The following TRIOBP variants were observed in gnomAD, a reference collection of about 807,000 sequenced individuals.
TRIOBP encodes TRIO and F-actin binding protein.
TRIOBP carries 169 observed loss-of-function variants against 238.8 expected under a neutral mutation model. The observed-to-expected ratio is 0.71, with a 90% CI of 0.62 to 0.80. The LOEUF (loss-of-function observed/expected upper bound fraction) is 0.80, where lower values mean the gene tolerates loss of function less well. TRIOBP is among the 30% of genes least tolerant of loss of function. The pLI, the probability that TRIOBP is intolerant of heterozygous loss-of-function variation, is 0.00. For synonymous variants in TRIOBP, 1,150 were observed against 1,274.4 expected (o/e 0.90, Z 2.08); for missense variants, 2,838 against 3,122.6 (o/e 0.91, Z 2.17).
chr22:37,710,689 C>A, intron 4 of TRIOBP, 123 bp downstream of exon 4: 1 of 1,376,886 alleles, frequency 7.3e-7, no homozygotes, highest in Non-Finnish European at 9.7e-7. Flanking sequence ...GTCACGTGGT[C>A]AGTCCTCTAA....
Position 37,725,759 on chromosome 22 carries a change from G to C in TRIOBP, c.3203G>C (p.Arg1068Pro). ...YIPPAVCIGHRDAPRASSPPR... is the reference protein window; with the variant it reads ...YIPPAVCIGHPDAPRASSPPR... The stretch of plus-strand genomic sequence containing the variant: ...CCACCTGCTGTGTGCATTGGACACC[G>C]AGATGCCCCCCGGGCGTCCTCGCCC... The change falls in exon 7 of 24, where the codon CGA becomes CCA. Residue 1068 changes from arginine (R) to proline (P), a missense_variant. Arg to Pro is a moderately radical substitution (Grantham distance 103). Coordinates refer to ENST00000644935, the MANE Select transcript of TRIOBP (RefSeq NM_001039141.3). The C allele has an allele frequency of 6.2e-7, 1 of 1,611,284 alleles. No individual in the cohort carries two copies. Among genetic ancestry groups the C allele is most frequent in the Non-Finnish European group, 8.5e-7 (1 of 1,179,452 alleles).
Position 37,726,445 on chromosome 22 carries a change from G to C in TRIOBP, c.3889G>C (p.Gly1297Arg), listed in dbSNP as rs768564324. ...GCCCCAGGCGCAGTGCAGCAGCGGG[G>C]GCCGCACCCACAGCCCTGGCCGTGC... ...PGPQAQCSSG[G>R]RTHSPGRAEV... The change falls in exon 7 of 24, where the codon GGC becomes CGC. Residue 1297 changes from glycine to arginine, a missense_variant. Around this residue, in one of 5 missense-constraint regions of TRIOBP, gnomAD observed 2,096 missense variants for 2,137.4 expected, o/e 0.98. Coordinates refer to ENST00000644935, the MANE Select transcript of TRIOBP (RefSeq NM_001039141.3). 5 of 1,574,420 alleles carry C rather than the reference G, an allele frequency of 3.2e-6. No homozygotes were observed. Among genetic ancestry groups the C allele is most frequent in the Non-Finnish European group, 4.3e-6 (5 of 1,163,936 alleles).
At chr22:37,754,831 C>T (rs539586279) in intron 12 of TRIOBP, 46 bp from the exon 13 acceptor site, 4 of 1,596,604 alleles carry the variant, frequency 2.5e-6, no homozygotes, top group East Asian at 2.2e-5. Flanking sequence ...CACAGGACAC[C>T]TGTACAATCA....
At chr22:37,715,631 C>T in intron 5 of TRIOBP, 132 bp from the exon 6 acceptor site, 2 of 1,061,988 alleles carry the variant, frequency 1.9e-6, no homozygotes, top group Middle Eastern at 4.2e-4. Flanking sequence ...GCGTGAGCCA[C>T]AGCGCCTGGC....
intron 12 of TRIOBP, among the ~76,000 whole-genome samples, chr22:37,754,374 A>G (rs1329378638): frequency 1.4e-5 from 2 of 143,738 alleles, no homozygotes; most frequent in African/African-American, 5.3e-5. Flanking sequence ...AGATTGCACC[A>G]TTGCACTCCA....
rs776962899 is a variant in TRIOBP at position 37,725,629 on chromosome 22, C to T, written c.3073C>T (p.Arg1025Ter). Residue 1025 changes from arginine (R) to a stop codon, truncating the protein, a stop_gained, in exon 7 of 24, where the codon CGA (arginine) becomes TGA (stop). Coordinates refer to ENST00000644935, the MANE Select transcript of TRIOBP (RefSeq NM_001039141.3). LOFTEE classifies it high-confidence loss of function. ...AVCIGHRDAP[R>*]ASSPPRYLQH... is the part of the protein sequence containing the mutation. ...GTGCATTGGGCACCGGGATGCCCCT[C>T]GAGCCTCTTCGCCCCCTCGCTATTT... The T allele has an allele frequency of 1.4e-5, 23 of 1,610,466 alleles. No homozygotes were observed. In the African/African-American group the frequency reaches 1.5e-4, roughly 10 times the overall value.
At position 37,754,901 on chromosome 22, in the gene TRIOBP, A is replaced by G; in HGVS notation, c.5404A>G (p.Thr1802Ala). ...GEPPSPSLTT[T>A]STSQWKKHWF... ...GCCTCCCTCCCCCTCGCTCACCACC[A>G]CCTCTACTTCGCAGTGGAAGAAACA... is the stretch of plus-strand genomic sequence containing the variant. The change falls in exon 13 of 24, where the codon ACC becomes GCC. Residue 1802 changes from threonine (T) to alanine (A), a missense_variant. Physicochemically the swap from Thr to Ala is moderately conservative, Grantham distance 58 (BLOSUM62 0). Around this residue, in one of 5 missense-constraint regions of TRIOBP, gnomAD observed 2,096 missense variants for 2,137.4 expected, o/e 0.98. Coordinates refer to ENST00000644935, the MANE Select transcript of TRIOBP (RefSeq NM_001039141.3). 6.2e-7 allele frequency: 1 copy of G among 1,613,804 alleles called. No individual in the cohort carries two copies. Among genetic ancestry groups the G allele is most frequent in the Non-Finnish European group, 8.5e-7 (1 of 1,179,954 alleles).
rs370666072 is a variant in TRIOBP at position 37,724,574 on chromosome 22, G to A, written c.2018G>A (p.Arg673Lys). 5.0e-5 allele frequency: 81 copies of A among 1,606,720 alleles called. 1 individual carries two copies. Among genetic ancestry groups the A allele is most frequent in the Non-Finnish European group, 6.6e-5 (78 of 1,178,086 alleles). ...PNRTIQQENP[R>K]TSCALRDNPR... ...AGAACCATCCAACAAGAGAACCCCAGAACATCCTGTGCCCTACGGGACAAT... is the reference window on the plus strand; with the variant it reads ...AGAACCATCCAACAAGAGAACCCCAAAACATCCTGTGCCCTACGGGACAAT... Residue 673 changes from arginine to lysine, a missense_variant, in exon 7 of 24, where the codon AGA (arginine) becomes AAA (lysine). Around this residue, in one of 5 missense-constraint regions of TRIOBP, gnomAD observed 167 missense variants for 200.2 expected, o/e 0.83. Transcript: ENST00000644935.
At chr22:37,733,255 G>C in intron 7 of TRIOBP, 43 bp from the exon 8 acceptor site, 1 of 1,447,582 alleles carries the variant, frequency 6.9e-7, no homozygotes, top group Non-Finnish European at 9.5e-7. Context: ...GGGGTGCTGG[G>C]AGTGGGACAG....
chr22:37,764,265 C>T (rs1474180910), intron 17 of TRIOBP, among the ~76,000 whole-genome samples: 1 of 152,214 alleles, frequency 6.6e-6, no homozygotes, highest in Non-Finnish European at 1.5e-5. Context: ...CATTCTGCCC[C>T]CTACAATATC....
chr22:37,735,027 G>T lies in TRIOBP; in HGVS notation c.4691G>T (p.Gly1564Val). The T allele has an allele frequency of 6.2e-7, 1 of 1,609,788 alleles. No individual in the cohort carries two copies. The highest frequency in any genetic ancestry group is 8.5e-7 in the Non-Finnish European group (1 of 1,177,160). Residue 1564 changes from glycine (G) to valine (V), a missense_variant, in exon 9 of 24, where the codon GGC becomes GTC. By Grantham distance (109) the Gly-to-Val change is moderately radical. Around this residue, in one of 5 missense-constraint regions of TRIOBP, gnomAD observed 2,096 missense variants for 2,137.4 expected, o/e 0.98. Coordinates refer to ENST00000644935, the MANE Select transcript of TRIOBP (RefSeq NM_001039141.3). ...RPELDWRDLLGLLRAPGEGVW... is the reference protein window; with the variant it reads ...RPELDWRDLLVLLRAPGEGVW... ...GAGCTTGACTGGAGGGATCTGCTTG[G>T]CCTTCTCCGGGCACCAGGAGAGGGG... is the stretch of plus-strand genomic sequence containing the variant.
intron 4 of TRIOBP, among the ~76,000 whole-genome samples, chr22:37,711,742 G>A (rs1923259258): frequency 3.3e-5 from 5 of 152,090 alleles, no homozygotes; most frequent in South Asian, 2.1e-4. Context: ...GCTTGCCTGC[G>A]TGCATCGTGG....
chr22:37,718,252 C>T (rs912942139), intron 6 of TRIOBP, among the ~76,000 whole-genome samples: 1 of 152,228 alleles, frequency 6.6e-6, no homozygotes, highest in African/African-American at 2.4e-5. Flanking sequence ...CTGAGGGAGC[C>T]AGCTCCGGCC....
In TRIOBP at chr22:37,723,538, G is replaced by A. The variant is rs201252639; in HGVS notation, c.982G>A (p.Asp328Asn). 3 of 1,611,780 alleles carry A rather than the reference G, an allele frequency of 1.9e-6. No individual in the cohort carries two copies. The highest frequency in any genetic ancestry group is 2.5e-6 in the Non-Finnish European group (3 of 1,179,232). ...CCCTAGGGCCTCATCCACCCAAGAG[G>A]ACACCCCCAGGGCCTCATCTACACA... ...DTPRASSTQE[D>N]TPRASSTQWN... is the part of the protein sequence containing the mutation. Residue 328 changes from aspartate (D) to asparagine (N), a missense_variant, in exon 7 of 24, where the codon GAC becomes AAC. Physicochemically the swap from Asp to Asn is conservative, Grantham distance 23. This residue lies in a region of TRIOBP where 535 missense variants were observed against 537.3 expected (regional missense o/e 1.00). Coordinates refer to ENST00000644935, the MANE Select transcript of TRIOBP (RefSeq NM_001039141.3).
chr22:37,724,468 T>C lies in TRIOBP; in HGVS notation c.1912T>C (p.Ser638Pro). 1.2e-6 allele frequency: 2 copies of C among 1,611,326 alleles called. No homozygotes were observed. Among genetic ancestry groups the C allele is most frequent in the Non-Finnish European group, 1.7e-6 (2 of 1,179,206 alleles). Residue 638 changes from serine to proline, a missense_variant, in exon 7 of 24, where the codon TCT becomes CCT. Coordinates refer to ENST00000644935, the MANE Select transcript of TRIOBP (RefSeq NM_001039141.3). ...CCAGCGGGACAATCCCAGAGCCTCC[T>C]CTCCCAACAGAACCACCCAACAAGA... Reference protein sequence around the residue: ...CAQRDNPRASSPNRTTQQDSP... With the variant: ...CAQRDNPRASPPNRTTQQDSP...
intron 17 of TRIOBP, chr22:37,760,388 T>G (rs1926184254): frequency 6.6e-6 from 1 of 152,228 alleles, no homozygotes; most frequent in South Asian, 2.1e-4. Flanking sequence ...TGGCCAATGC[T>G]GCATTACCAG....
chr22:37,704,446 A>AC (rs1569031527), intron 3 of TRIOBP, among the ~76,000 whole-genome samples: 1 of 82,482 alleles, frequency 1.2e-5, no homozygotes, highest in Non-Finnish European at 3.0e-5. Context: ...ACAGTACAGA[A>AC]AACAGGGAGA....
rs8141495 is a variant in TRIOBP, at chr22:37,729,400, G to T, written c.3947+2897G>T. On this transcript the variant is annotated intron_variant, in intron 7 of 23. Coordinates refer to ENST00000644935, the MANE Select transcript of TRIOBP (RefSeq NM_001039141.3). ...CCAGCTAATTTTTCTACTTTTTGTA[G>T]AGATGGAGTCTCACTTTGTTGCCCA... Among the ~76,000 whole-genome samples, 1,274 of 152,106 alleles carry T rather than the reference G, an allele frequency of 8.4e-3. 7 individuals carry two copies. Among genetic ancestry groups the T allele is most frequent in the African/African-American group, 0.023 (944 of 41,476 alleles).
rs1015032787 is a variant in TRIOBP at position 37,740,914 on chromosome 22, A to G, written c.5204A>G (p.Glu1735Gly). 1.3e-6 allele frequency: 2 copies of G among 1,574,864 alleles called. No homozygotes were observed. The highest frequency in any genetic ancestry group is 2.7e-5 in the African/African-American group (2 of 74,516). The change falls in exon 11 of 24, where the codon GAG becomes GGG. Residue 1735 changes from glutamate (E) to glycine (G), a missense_variant. By Grantham distance (98) the Glu-to-Gly change is moderately conservative. Transcript: ENST00000644935. ...TGACAGGCAGACAAGAGGCCAGCAG[A>G]GGGCAAGGCTGGGAGCCCGCTCAAG... The part of the protein sequence containing the change: ...QADSADKRPA[E>G]GKAGSPLKGR...
Sources: gnomAD v4.1 joint callset for allele counts (sites outside exome capture counted in the v4.1 genomes callset) on GRCh38, gnomAD v4.1.1 for gene constraint, gnomAD v4.1.1 regional missense constraint, MANE v1.5 for transcripts, NCBI Gene and HGNC (gene_info 2026-07-23, HGNC 2026-07-21) for gene names.